SLC9B2: variants seen among roughly 807,000 people sequenced by gnomAD.
SLC9B2 encodes the protein solute carrier family 9 member B2.
SLC9B2 carries 39 observed loss-of-function variants against 52.2 expected under a neutral mutation model. The observed-to-expected ratio is 0.75, with a 90% CI of 0.58 to 0.98. The LOEUF (loss-of-function observed/expected upper bound fraction) is 0.98. Among genes scored for constraint, SLC9B2 ranks in the 50% least tolerant of loss-of-function variants. The probability of loss-of-function intolerance (pLI) is 0.00; values close to 1 mark genes in which losing one functional copy is unlikely to be tolerated. For missense variants in SLC9B2, 626 were observed against 637.5 expected, an observed-to-expected ratio of 0.98 and a Z score of 0.19; for synonymous variants, 214 against 227.0, an observed-to-expected ratio of 0.94 and a Z score of 0.51.
At chr4:103,064,424 C>A (rs1020877582) in intron 3 of SLC9B2, among the ~76,000 whole-genome samples, 1 of 152,084 alleles carries the variant, frequency 6.6e-6, no homozygotes, top group Non-Finnish European at 1.5e-5. Context: ...TGTTCTCACT[C>A]ATATGTAGAA....
intron 6 of SLC9B2, chr4:103,048,682 C>A: frequency 4.0e-6 from 2 of 502,674 alleles, no homozygotes; most frequent in South Asian, 5.2e-5. Flanking sequence ...ACTTCTTCAA[C>A]AGTTTGAATA....
rs1578493697 is a variant in SLC9B2 at position 103,076,488 on chromosome 4, C to T, written c.-347G>A. 1 of 152,360 alleles carries T rather than the reference C, an allele frequency of 6.6e-6. No homozygotes were observed. Among genetic ancestry groups the T allele is most frequent in the Non-Finnish European group, 1.5e-5 (1 of 68,052 alleles). The allele number at this position is 152,360 out of a possible 1,614,324, so 9.4% of individuals were successfully genotyped here. The stretch of plus-strand genomic sequence containing the variant: ...TGGTCCGGGGCCCGCAGCGGCAGCC[C>T]CGTGTGCCCTCCGCCGGGTTTCAGG... On this transcript the variant is annotated 5_prime_UTR_variant, in exon 1 of 12. Transcript: ENST00000394785.
intron 9 of SLC9B2, 38 bp downstream of exon 9, chr4:103,043,258 A>G (rs1161185234): frequency 5.1e-6 from 8 of 1,568,890 alleles, no homozygotes; most frequent in African/African-American, 1.4e-5. Flanking sequence ...TCTCATTAGA[A>G]AAGAGTCATG....
chr4:103,026,723 A>G lies in SLC9B2; in HGVS notation c.1393-132T>C, dbSNP rs895297266. 5.5e-6 allele frequency: 4 copies of G among 729,248 alleles called. No homozygotes were observed. The African/African-American group carries it at 7.1e-5, about 13-fold the overall frequency. The allele number at this position is 729,248 out of a possible 1,614,324, so 45.2% of individuals were successfully genotyped here. On this transcript the variant is annotated intron_variant, in intron 11 of 11. Coordinates refer to ENST00000394785, the MANE Select transcript of SLC9B2 (RefSeq NM_178833.7). ...CTAAGAAAGTTGTAAGCATCAGGAGATATACCTAATGCTAAATGACGAGTT... is the reference window on the plus strand; with the variant it reads ...CTAAGAAAGTTGTAAGCATCAGGAGGTATACCTAATGCTAAATGACGAGTT...
At chr4:103,062,943 T>C (rs1436061791) in intron 3 of SLC9B2, among the ~76,000 whole-genome samples, 1 of 152,142 alleles carries the variant, frequency 6.6e-6, no homozygotes, top group African/African-American at 2.4e-5. Context: ...ATATACTGCA[T>C]AGGCACAGGA....
intron 9 of SLC9B2, among the ~76,000 whole-genome samples, chr4:103,033,086 C>T (rs1742843457): frequency 6.6e-6 from 1 of 152,084 alleles, no homozygotes; most frequent in Non-Finnish European, 1.5e-5. Context: ...CTAATTGATA[C>T]AAGAACTAAC....
intron 4 of SLC9B2, among the ~76,000 whole-genome samples, chr4:103,055,835 G>A (rs139879535): frequency 6.1e-4 from 84 of 138,258 alleles, no homozygotes; most frequent in African/African-American, 1.7e-3. Context: ...GCGGATTCTC[G>A]CTCGGTCACC....
chr4:103,040,841 C>A (rs374317800), intron 9 of SLC9B2, among the ~76,000 whole-genome samples: 20 of 152,222 alleles, frequency 1.3e-4, no homozygotes, highest in African/African-American at 4.6e-4. Context: ...GGTCCCTAGA[C>A]TGGCAGCATC....
At chr4:103,020,014 T>A, downstream of SLC9B2, 1 of 780,562 alleles carries the variant, frequency 1.3e-6, no homozygotes, top group Non-Finnish European at 1.6e-6. Flanking sequence ...CAGCTTAAAG[T>A]GCAATGGTAG....
intron 3 of SLC9B2, among the ~76,000 whole-genome samples, chr4:103,062,604 C>T (rs1011972752): frequency 5.3e-5 from 8 of 152,074 alleles, no homozygotes; most frequent in African/African-American, 1.9e-4. Flanking sequence ...CACAAATTTT[C>T]ACATGTAAGA....
chr4:103,044,145 G>A (rs1743890377), intron 8 of SLC9B2, among the ~76,000 whole-genome samples: 1 of 152,164 alleles, frequency 6.6e-6, no homozygotes, highest in Non-Finnish European at 1.5e-5. Context: ...AATTACCTGA[G>A]TTCATTCCCA....
chr4:103,035,424 A>T (rs1743082364), intron 9 of SLC9B2, among the ~76,000 whole-genome samples: 1 of 152,150 alleles, frequency 6.6e-6, no homozygotes, highest in African/African-American at 2.4e-5. Context: ...TACTATTGTG[A>T]ATAGTGTTGC....
intron 4 of SLC9B2, among the ~76,000 whole-genome samples, chr4:103,057,118 A>T (rs1745194989): frequency 6.6e-6 from 1 of 152,000 alleles, no homozygotes; most frequent in Admixed American, 6.6e-5. Flanking sequence ...AAGAGGTGGC[A>T]GTGGCACACC....
intron 7 of SLC9B2, among the ~76,000 whole-genome samples, chr4:103,045,617 TG>T (rs900816374): frequency 2.1e-5 from 3 of 143,996 alleles, no homozygotes; most frequent in Admixed American, 6.9e-5. Flanking sequence ...ACGTAGTTGG[TG>T]GGGGGGTGGG....
At chr4:103,046,154 G>A (rs2110608876) in intron 7 of SLC9B2, among the ~76,000 whole-genome samples, 1 of 152,298 alleles carries the variant, frequency 6.6e-6, no homozygotes, top group South Asian at 2.1e-4. Context: ...AGAATGGGGA[G>A]ATAACTATAG....
At chr4:103,058,189 C>T (rs1745322678) in intron 3 of SLC9B2, among the ~76,000 whole-genome samples, 1 of 152,028 alleles carries the variant, frequency 6.6e-6, no homozygotes, top group Non-Finnish European at 1.5e-5. Flanking sequence ...GCCTATGTGC[C>T]CCTCCCCATC....
At chr4:103,019,319 CTTCT>C (rs1193932210), downstream of SLC9B2, among the ~76,000 whole-genome samples, 1 of 152,150 alleles carries the variant, frequency 6.6e-6, no homozygotes, top group Non-Finnish European at 1.5e-5. Context: ...TGACAGATCT[CTTCT>C]TTCTTACTGG....
intron 7 of SLC9B2, among the ~76,000 whole-genome samples, chr4:103,046,366 T>C (rs1744121392): frequency 6.6e-6 from 1 of 152,232 alleles, no homozygotes; most frequent in African/African-American, 2.4e-5. Context: ...TTTTGGCCTT[T>C]TGGCTAAGAT....
At chr4:103,061,414 A>T (rs1227994872) in intron 3 of SLC9B2, among the ~76,000 whole-genome samples, 1 of 152,174 alleles carries the variant, frequency 6.6e-6, no homozygotes, top group Non-Finnish European at 1.5e-5. Context: ...CAAGGACAAA[A>T]AACCAAACAC....
Sources: allele counts gnomAD v4.1 joint callset (sites outside exome capture counted in the v4.1 genomes callset), GRCh38; gene constraint gnomAD v4.1.1; transcripts MANE v1.5; gene names NCBI Gene and HGNC (gene_info 2026-07-23, HGNC 2026-07-21).